THSD4: variants seen among roughly 807,000 people sequenced by gnomAD.
THSD4 encodes the protein thrombospondin type 1 domain containing 4, also known as thrombospondin type-1 domain-containing protein 4.
THSD4 carries 69 observed loss-of-function variants against 119.0 expected under a neutral mutation model. The observed-to-expected ratio is 0.58, with a 90% CI of 0.48 to 0.71. The LOEUF (loss-of-function observed/expected upper bound fraction) is 0.71. THSD4 is among the 30% of genes least tolerant of loss of function. The pLI, the probability that THSD4 is intolerant of heterozygous loss-of-function variation, is 0.00. For synonymous variants in THSD4, 524 were observed against 540.4 expected (o/e 0.97, Z 0.42); for missense variants, 1,393 against 1,391.1 (o/e 1.00, Z -0.02).
chr15:71,514,144 C>G (rs1423792902), intron 7 of THSD4, among the ~76,000 whole-genome samples: 2 of 152,220 alleles, frequency 1.3e-5, no homozygotes, highest in Non-Finnish European at 2.9e-5. Flanking sequence ...ATCACACTCT[C>G]TCAGCATAGA....
intron 6 of THSD4, among the ~76,000 whole-genome samples, chr15:71,344,402 A>G (rs906717373): frequency 6.6e-6 from 1 of 152,140 alleles, no homozygotes; most frequent in African/African-American, 2.4e-5. Flanking sequence ...TGATATGTGC[A>G]GATTCCAGGG....
chr15:71,460,428 G>C (rs970377309), intron 7 of THSD4, among the ~76,000 whole-genome samples: 7 of 150,846 alleles, frequency 4.6e-5, no homozygotes, highest in African/African-American at 1.7e-4. Context: ...TAATGGATCA[G>C]TGTACATTCC....
intron 6 of THSD4, among the ~76,000 whole-genome samples, chr15:71,391,740 C>A (rs1334558851): frequency 6.6e-6 from 1 of 152,180 alleles, no homozygotes; most frequent in Non-Finnish European, 1.5e-5. Flanking sequence ...TTCATTAAGA[C>A]TTGTGTTTAT....
At chr15:71,667,910 T>TG (rs2141008529) in intron 8 of THSD4, among the ~76,000 whole-genome samples, 1 of 152,360 alleles carries the variant, frequency 6.6e-6, no homozygotes. Context: ...CAGCCCTTTC[T>TG]GTAAGTACCA....
intron 7 of THSD4, among the ~76,000 whole-genome samples, chr15:71,658,245 G>A (rs1229583917): frequency 6.6e-6 from 1 of 152,208 alleles, no homozygotes; most frequent in African/African-American, 2.4e-5. Flanking sequence ...TTCTTGACAA[G>A]TTCCGCTGAA....
chr15:71,700,691 C>T (rs934685266), intron 8 of THSD4, among the ~76,000 whole-genome samples: 7 of 151,870 alleles, frequency 4.6e-5, no homozygotes, highest in East Asian at 1.9e-4. Context: ...AATTAAAACA[C>T]GTGGGGAAGG....
chr15:71,637,801 G>T (rs1350558408), intron 7 of THSD4, among the ~76,000 whole-genome samples: 2 of 151,596 alleles, frequency 1.3e-5, no homozygotes, highest in African/African-American at 4.9e-5. Context: ...CCTCAGCTCA[G>T]TGCAACCTCT....
intron 7 of THSD4, among the ~76,000 whole-genome samples, chr15:71,433,561 G>C (rs1260662922): frequency 6.6e-6 from 1 of 151,360 alleles, no homozygotes; most frequent in Non-Finnish European, 1.5e-5. Context: ...ACTGGACATA[G>C]ACACCCTCCC....
chr15:71,199,869 GTGTGTGTGTGGTGCATGTGT>G (rs2043779946), intron 3 of THSD4, among the ~76,000 whole-genome samples: 2 of 124,032 alleles, frequency 1.6e-5, no homozygotes, highest in Non-Finnish European at 3.4e-5. Flanking sequence ...TGTGGGGTGT[GTGTGTGTGTGGTGCATGTGT>G]GGTATGTGTG....
intron 7 of THSD4, among the ~76,000 whole-genome samples, chr15:71,483,064 G>C (rs573069800): frequency 1.3e-5 from 2 of 152,132 alleles, no homozygotes; most frequent in South Asian, 4.2e-4. Context: ...GTTGAGAATA[G>C]GTATTAAGAT....
At chr15:71,668,691 C>A (rs1175215041) in intron 8 of THSD4, among the ~76,000 whole-genome samples, 4 of 152,146 alleles carry the variant, frequency 2.6e-5, no homozygotes, top group Non-Finnish European at 5.9e-5. Context: ...ACTGGTACCC[C>A]ACTCTCTGAC....
chr15:71,215,324 G>T lies in THSD4; in HGVS notation c.389G>T (p.Ser130Ile), dbSNP rs1290819835. The change falls in exon 4 of 18, where the codon AGC (serine) becomes ATC (isoleucine). Residue 130 changes from serine to isoleucine, a missense_variant. Physicochemically the swap from Ser to Ile is moderately radical, Grantham distance 142. Transcript: ENST00000261862. ...CCAGCGCTGGCCGGTACGGACGCCA[G>T]CCGCCAGGGCCCCACGGTGCTGCGA... is the stretch of plus-strand genomic sequence containing the variant. ...ETPALAGTDA[S>I]RQGPTVLRGS... 2.6e-6 allele frequency: 4 copies of T among 1,529,914 alleles called. No homozygotes were observed. The highest frequency in any genetic ancestry group is 2.6e-6 in the Non-Finnish European group (3 of 1,144,634). 94.8% of individuals were successfully genotyped at this position (1,529,914 alleles called of 1,614,324 possible).
upstream of THSD4, chr15:71,115,215 G>A (rs1020119119): frequency 6.5e-6 from 1 of 153,076 alleles, no homozygotes; most frequent in Non-Finnish European, 1.5e-5. The surrounding 1 kb of genome is among the most constrained non-coding windows in gnomAD (Gnocchi z 4.4). Flanking sequence ...TGGCCAGCTG[G>A]GCCACTCTCC....
At chr15:71,720,085 C>T (rs2052692468) in intron 8 of THSD4, among the ~76,000 whole-genome samples, 1 of 123,342 alleles carries the variant, frequency 8.1e-6, no homozygotes, top group African/African-American at 3.2e-5. Flanking sequence ...GAGACAGGGT[C>T]CCACTCTCAG....
chr15:71,693,621 G>T (rs1438650346), intron 8 of THSD4, among the ~76,000 whole-genome samples: 2 of 152,124 alleles, frequency 1.3e-5, no homozygotes, highest in African/African-American at 4.8e-5. Context: ...GTTTGGCTGT[G>T]TCTCCACCCA....
intron 6 of THSD4, among the ~76,000 whole-genome samples, chr15:71,332,176 T>C (rs1339955980): frequency 6.6e-6 from 1 of 152,180 alleles, no homozygotes; most frequent in African/African-American, 2.4e-5. Context: ...GGTTCCGCTA[T>C]TGCCTCTGGA....
chr15:71,341,009 C>T (rs551535288), intron 6 of THSD4: 4 of 647,042 alleles, frequency 6.2e-6, no homozygotes, highest in Non-Finnish European at 1.1e-5. Context: ...GTAATGGTCT[C>T]CCCATTGTTT....
At chr15:71,687,753 C>T in intron 8 of THSD4, among the ~76,000 whole-genome samples, 1 of 36,224 alleles carries the variant, frequency 2.8e-5, no homozygotes, top group African/African-American at 7.5e-5. Context: ...GAAACTCTGT[C>T]TCAAAAAAAA....
intron 7 of THSD4, among the ~76,000 whole-genome samples, chr15:71,476,840 T>C (rs1002289583): frequency 1.3e-5 from 2 of 152,112 alleles, no homozygotes; most frequent in Non-Finnish European, 2.9e-5. Flanking sequence ...CAAGAAACTT[T>C]TGGAACGTTT....
Sources: allele counts gnomAD v4.1 joint callset (sites outside exome capture counted in the v4.1 genomes callset), GRCh38; gene constraint gnomAD v4.1.1; non-coding constraint Gnocchi (gnomAD v3.1); transcripts MANE v1.5; gene names NCBI Gene and HGNC (gene_info 2026-07-23, HGNC 2026-07-21).